DDX54: variants seen among roughly 807,000 people sequenced by gnomAD.
DDX54 encodes the protein DEAD-box helicase 54.
A neutral mutation model predicts 105.5 loss-of-function variants in DDX54; 67 were observed. The observed-to-expected ratio is 0.64, with a 90% confidence interval of 0.52 to 0.78. The LOEUF is 0.78. DDX54 is among the 30% of genes least tolerant of loss of function. The pLI is 0.00. For missense variants in DDX54, 1,206 were observed against 1,230.5 expected (o/e 0.98, Z 0.30); for synonymous variants, 514 against 509.9 (o/e 1.01, Z -0.11).
intron 1 of DDX54, among the ~76,000 whole-genome samples, chr12:113,184,946 T>G (rs1179606878): frequency 2.0e-5 from 3 of 152,152 alleles, no homozygotes; most frequent in African/African-American, 7.2e-5. Flanking sequence ...CAAAGTCAGA[T>G]CTTCTGCACC....
intron 1 of DDX54, among the ~76,000 whole-genome samples, chr12:113,181,721 T>C (rs902293901): frequency 6.6e-6 from 1 of 152,032 alleles, no homozygotes; most frequent in Non-Finnish European, 1.5e-5. Flanking sequence ...CCAATCTCCT[T>C]TCTGATCTCT....
intron 1 of DDX54, among the ~76,000 whole-genome samples, chr12:113,182,287 A>G (rs769781616): frequency 2.6e-5 from 4 of 152,204 alleles, no homozygotes; most frequent in African/African-American, 4.8e-5. Context: ...TCTAAGATTA[A>G]CTACAATCCT....
Position 113,181,065 on chromosome 12 carries a change from G to C in DDX54, c.175-7C>G. On this transcript the variant is annotated splice_region_variant and splice_polypyrimidine_tract_variant and intron_variant, in intron 1 of 19. Coordinates refer to ENST00000306014, the MANE Select transcript of DDX54 (RefSeq NM_024072.4). ...GGGGTCTTCCAGGTCCCAGCTGGGA[G>C]GGAAGGACAGAGAGGTGGTGTCACT... The C allele has an allele frequency of 1.1e-5, 18 of 1,610,366 alleles. No individual in the cohort carries two copies. Among genetic ancestry groups the C allele is most frequent in the Non-Finnish European group, 1.4e-5 (16 of 1,178,592 alleles).
intron 1 of DDX54, among the ~76,000 whole-genome samples, chr12:113,181,935 T>G (rs1182015915): frequency 6.6e-6 from 1 of 151,948 alleles, no homozygotes; most frequent in Non-Finnish European, 1.5e-5. Flanking sequence ...GTGGATCATT[T>G]GAGCCCAGGA....
chr12:113,175,071 G>A lies in DDX54; in HGVS notation c.839C>T (p.Thr280Met), dbSNP rs1303224361. 17 of 1,613,862 alleles carry A rather than the reference G, an allele frequency of 1.1e-5. No individual in the cohort carries two copies. Among genetic ancestry groups the A allele is most frequent in the Non-Finnish European group, 1.3e-5 (15 of 1,180,026 alleles). ...AAATTCCACCAGCAGTTTGGGCAGC[G>A]TGGCGGAGAACAGCACCGTCTGGTG... is the stretch of plus-strand genomic sequence containing the variant. ...GGHQTVLFSA[T>M]LPKLLVEFAR... Residue 280 changes from threonine to methionine, a missense_variant, in exon 8 of 20, where the codon ACG (threonine) becomes ATG (methionine). Transcript: ENST00000306014.
At chr12:113,179,464 A>G in intron 3 of DDX54, 133 bp from the exon 4 acceptor site, 2 of 1,024,978 alleles carry the variant, frequency 2.0e-6, no homozygotes, top group Non-Finnish European at 2.8e-6. Context: ...CCCAGCCCTG[A>G]GCCTATTCTT....
intron 10 of DDX54, 146 bp from the exon 11 acceptor site, chr12:113,172,709 C>T (rs1733624618): frequency 1.0e-6 from 1 of 990,670 alleles, no homozygotes. Context: ...TGAATCCCAG[C>T]TTGCTGGGTG....
At chr12:113,162,276 G>C (rs1566092968) in intron 17 of DDX54, among the ~76,000 whole-genome samples, 1 of 152,108 alleles carries the variant, frequency 6.6e-6, no homozygotes, top group Non-Finnish European at 1.5e-5. Flanking sequence ...CCTCCTGGAG[G>C]GTTTCCAATC....
At chr12:113,169,965 TC>T in intron 11 of DDX54, 61 bp from the exon 12 acceptor site, 1 of 1,596,790 alleles carries the variant, frequency 6.3e-7, no homozygotes, top group East Asian at 2.2e-5. Context: ...CAGCATGAGT[TC>T]CACAGGCCAG....
rs754966381 is a variant in DDX54, at chr12:113,174,618, T to TC, written c.1068+21dup. 7.3e-5 allele frequency: 117 copies of TC among 1,605,984 alleles called. 1 individual carries two copies. Among genetic ancestry groups the TC allele is most frequent in the Non-Finnish European group, 1.0e-5 (12 of 1,173,762 alleles). ...AAACTCCAGCTGAAGGAGGTGCTCC[T>TC]CCCACTCAGGACCCTGCTCACCTCA... On this transcript the variant is annotated intron_variant, in intron 10 of 19. Transcript: ENST00000306014.
Position 113,158,748 on chromosome 12 carries a change from C to T in DDX54, c.*129G>A. 9.5e-7 allele frequency: 1 copy of T among 1,057,560 alleles called. No individual in the cohort carries two copies. Among genetic ancestry groups the T allele is most frequent in the Non-Finnish European group, 1.3e-6 (1 of 747,438 alleles). 65.5% of individuals were successfully genotyped at this position (1,057,560 alleles called of 1,614,324 possible). ...TGTGGCCATACAGTGCTCCTTTTCACAGATGATGGCTCCTGCAGGGAGTGC... is the reference window on the plus strand; with the variant it reads ...TGTGGCCATACAGTGCTCCTTTTCATAGATGATGGCTCCTGCAGGGAGTGC... On this transcript the variant is annotated 3_prime_UTR_variant, in exon 20 of 20. Coordinates refer to ENST00000306014, the MANE Select transcript of DDX54 (RefSeq NM_024072.4). This position sits in a 1 kb window ranked among gnomAD's most constrained non-coding sequence, Gnocchi z 4.9.
chr12:113,157,625 C>G lies in DDX54; in HGVS notation c.*1252G>C, dbSNP rs1952147414. 1 of 1,551,680 alleles carries G rather than the reference C, an allele frequency of 6.4e-7. No homozygotes were observed. The highest frequency in any genetic ancestry group is 8.7e-7 in the Non-Finnish European group (1 of 1,147,000). ...AGGTGAAGCTGTTCATGCAGGACCT[C>G]TCTGCCATGCTGGCCGGCCTGGGTC... On this transcript the variant is annotated 3_prime_UTR_variant, in exon 20 of 20. Transcript: ENST00000306014.
At chr12:113,172,715 G>T in intron 10 of DDX54, 152 bp from the exon 11 acceptor site, 1 of 911,862 alleles carries the variant, frequency 1.1e-6, no homozygotes, top group Non-Finnish European at 1.7e-6. Context: ...CCAGCTTGCT[G>T]GGTGATGCCA....
At chr12:113,176,695 G>A in intron 7 of DDX54, 145 bp downstream of exon 7, 1 of 754,386 alleles carries the variant, frequency 1.3e-6, no homozygotes. Flanking sequence ...CGCTTATGAG[G>A]AGGTCTGCAG....
chr12:113,174,554 G>A (rs1033417572), intron 10 of DDX54, 86 bp downstream of exon 10: 12 of 1,536,606 alleles, frequency 7.8e-6, no homozygotes, highest in Admixed American at 2.0e-5. Context: ...GTCCGCTCTC[G>A]TGCTGCCCTC....
intron 1 of DDX54, among the ~76,000 whole-genome samples, chr12:113,181,728 C>G (rs897483427): frequency 1.3e-5 from 2 of 150,464 alleles, no homozygotes; most frequent in Non-Finnish European, 3.0e-5. Context: ...CCTTTCTGAT[C>G]TCTGGTCTGT....
chr12:113,177,262 C>G, intron 5 of DDX54, 169 bp from the exon 6 acceptor site: 2 of 661,858 alleles, frequency 3.0e-6, no homozygotes, highest in Non-Finnish European at 5.2e-6. Context: ...ATTGCCCTGA[C>G]AAGAGATACA....
In DDX54 at chr12:113,167,517, C is replaced by A. The variant is rs1168081203; in HGVS notation, c.1415-1485G>T. On this transcript the variant is annotated intron_variant, in intron 12 of 19. Coordinates refer to ENST00000306014, the MANE Select transcript of DDX54 (RefSeq NM_024072.4). ...TTTGGCCAATCTTGCAAGAAAGGCC[C>A]TGATGAGTCCCTTTTAGAGAGGAGG... Among the ~76,000 whole-genome samples the A allele has an allele frequency of 3.3e-5, 5 of 152,346 alleles. No homozygotes were observed. In the East Asian group the frequency reaches 5.8e-4, roughly 18 times the overall value.
intron 2 of DDX54, 114 bp downstream of exon 2, chr12:113,180,815 G>A (rs924584490): frequency 2.2e-5 from 34 of 1,536,916 alleles, no homozygotes; most frequent in Non-Finnish European, 2.8e-5. Flanking sequence ...CTGCTACCCC[G>A]GTCTACCCAA....
Sources: gnomAD v4.1 joint callset for allele counts (sites outside exome capture counted in the v4.1 genomes callset) on GRCh38, gnomAD v4.1.1 for gene constraint, Gnocchi (gnomAD v3.1) non-coding constraint, MANE v1.5 for transcripts, NCBI Gene and HGNC (gene_info 2026-07-23, HGNC 2026-07-21) for gene names.